DOCK5: variants seen among roughly 807,000 people sequenced by gnomAD.
DOCK5 encodes the protein dedicator of cytokinesis 5.
Under a neutral mutation model 251.8 loss-of-function variants are expected in DOCK5, and 142 were observed. The observed-to-expected ratio is 0.56, with a 90% CI of 0.49 to 0.65. DOCK5 has a LOEUF of 0.65. DOCK5 is among the 30% of genes least tolerant of loss of function. The pLI is 0.00. For missense variants in DOCK5, 2,111 were observed against 2,312.3 expected, an observed-to-expected ratio of 0.91 and a Z score of 1.79; for synonymous variants, 842 against 835.5, an observed-to-expected ratio of 1.01 and a Z score of -0.13.
intron 42 of DOCK5, among the ~76,000 whole-genome samples, chr8:25,391,104 G>A (rs1451658235): frequency 2.0e-5 from 3 of 152,012 alleles, no homozygotes; most frequent in African/African-American, 2.4e-5. Context: ...GCAGTGGCAC[G>A]ATCATAGCCC....
intron 37 of DOCK5, 26 bp from the exon 38 acceptor site, chr8:25,377,279 C>G: frequency 3.1e-6 from 5 of 1,593,356 alleles, no homozygotes; most frequent in Non-Finnish European, 4.3e-6. Flanking sequence ...TTGTATTAAC[C>G]GTGTGTCGCT....
At chr8:25,289,237 A>G (rs1048867380) in intron 5 of DOCK5, among the ~76,000 whole-genome samples, 5 of 152,122 alleles carry the variant, frequency 3.3e-5, no homozygotes, top group Non-Finnish European at 5.9e-5. Context: ...TCATAGAAGG[A>G]CATCACTAGA....
At chr8:25,346,682 G>A (rs1800373973) in intron 26 of DOCK5, among the ~76,000 whole-genome samples, 1 of 113,126 alleles carries the variant, frequency 8.8e-6, no homozygotes, top group African/African-American at 3.5e-5. Flanking sequence ...AAATTAGCTG[G>A]GCGTGGTGGC....
chr8:25,215,144 G>T (rs1231027756), intron 1 of DOCK5, among the ~76,000 whole-genome samples: 1 of 152,140 alleles, frequency 6.6e-6, no homozygotes, highest in Non-Finnish European at 1.5e-5. Context: ...TTGGGATATG[G>T]TTCTTCAGGC....
intron 1 of DOCK5, among the ~76,000 whole-genome samples, chr8:25,208,565 G>A (rs1166575832): frequency 2.0e-5 from 3 of 152,116 alleles, no homozygotes; most frequent in Non-Finnish European, 4.4e-5. Context: ...GTCCTTGAAG[G>A]CTCAGATGAT....
At position 25,342,462 on chromosome 8, in the gene DOCK5, A is replaced by C; in HGVS notation, c.2572A>C (p.Asn858His). ...CAACCAGCTGGTTCGGCAGAAACTTAACTGCATGACCAAGATAGTAGAGAG... is the reference window on the plus strand; with the variant it reads ...CAACCAGCTGGTTCGGCAGAAACTTCACTGCATGACCAAGATAGTAGAGAG... ...PDNQLVRQKL[N>H]CMTKIVESTL... Residue 858 changes from asparagine to histidine, a missense_variant, in exon 25 of 52, where the codon AAC becomes CAC. By Grantham distance (68) the Asn-to-His change is moderately conservative. Around this residue, in one of 3 missense-constraint regions of DOCK5, gnomAD observed 1,717 missense variants for 1,892.4 expected, o/e 0.91. Transcript: ENST00000276440. The C allele has an allele frequency of 6.2e-7, 1 of 1,601,476 alleles. No homozygotes were observed.
intron 1 of DOCK5, among the ~76,000 whole-genome samples, chr8:25,221,913 T>A (rs926892937): frequency 6.6e-6 from 1 of 152,170 alleles, no homozygotes; most frequent in Non-Finnish European, 1.5e-5. Flanking sequence ...ACGCTGATCA[T>A]ATCAGCTCCC....
rs944753237 is a variant in DOCK5, at chr8:25,401,159, A to G, written c.4926+93A>G. On this transcript the variant is annotated intron_variant, in intron 47 of 51. Coordinates refer to ENST00000276440, the MANE Select transcript of DOCK5 (RefSeq NM_024940.8). ...TTTTTCAGATGCCAAGTGAGTTGTAATAACTTAGCTATGGCATGGAAATAG... is the reference window on the plus strand; with the variant it reads ...TTTTTCAGATGCCAAGTGAGTTGTAGTAACTTAGCTATGGCATGGAAATAG... 2.3e-5 allele frequency: 35 copies of G among 1,524,586 alleles called. No homozygotes were observed. The African/African-American group carries it at 4.0e-4, about 17-fold the overall frequency. The allele number at this position is 1,524,586 out of a possible 1,614,324, so 94.4% of individuals were successfully genotyped here. A position where few individuals can be genotyped will look rare whatever the true frequency, so the allele number is the denominator to read the frequency against.
chr8:25,207,548 G>C (rs1051680549), intron 1 of DOCK5, among the ~76,000 whole-genome samples: 3 of 152,180 alleles, frequency 2.0e-5, no homozygotes, highest in African/African-American at 7.2e-5. Context: ...TAACAATTAT[G>C]CTAAATCTAC....
At chr8:25,306,808 C>T (rs903035741) in intron 11 of DOCK5, among the ~76,000 whole-genome samples, 27 of 152,176 alleles carry the variant, frequency 1.8e-4, no homozygotes, top group African/African-American at 6.3e-4. Flanking sequence ...TCATGCATCA[C>T]TTAATGGCAG....
At chr8:25,407,896 G>C in intron 48 of DOCK5, 87 bp from the exon 49 acceptor site, 1 of 1,206,560 alleles carries the variant, frequency 8.3e-7, no homozygotes, top group East Asian at 2.6e-5. Flanking sequence ...ATAGCCTAAA[G>C]AGTCATAACT....
intron 28 of DOCK5, among the ~76,000 whole-genome samples, chr8:25,361,031 C>G (rs1800669201): frequency 6.6e-6 from 1 of 152,130 alleles, no homozygotes; most frequent in Non-Finnish European, 1.5e-5. Flanking sequence ...CTACCGTGCA[C>G]AGCTAGGCCT....
intron 1 of DOCK5, among the ~76,000 whole-genome samples, chr8:25,225,159 A>G (rs1335027011): frequency 1.3e-5 from 2 of 152,248 alleles, no homozygotes; most frequent in Non-Finnish European, 2.9e-5. Context: ...GGAATGTAAA[A>G]TGGTGCAGTC....
At chr8:25,233,145 C>A (rs937668890) in intron 1 of DOCK5, among the ~76,000 whole-genome samples, 1 of 152,142 alleles carries the variant, frequency 6.6e-6, no homozygotes, top group African/African-American at 2.4e-5. Flanking sequence ...GCTGCCTGCA[C>A]AATAGCCTGG....
chr8:25,374,558 T>C lies in DOCK5; in HGVS notation c.3726-6T>C, dbSNP rs1046437833. The C allele has an allele frequency of 2.5e-6, 4 of 1,595,520 alleles. No homozygotes were observed. In the African/African-American group the frequency reaches 5.5e-5, roughly 22 times the overall value. ...ACAAAATGCTTCCTTCTCCCCTTCT[T>C]GCCAGATATCTGTACAAGCTTCGAG... is the stretch of plus-strand genomic sequence containing the variant. On this transcript the variant is annotated splice_region_variant and splice_polypyrimidine_tract_variant and intron_variant, in intron 36 of 51. Coordinates refer to ENST00000276440, the MANE Select transcript of DOCK5 (RefSeq NM_024940.8).
chr8:25,286,276 A>G (rs1381521659), intron 5 of DOCK5, among the ~76,000 whole-genome samples: 1 of 152,198 alleles, frequency 6.6e-6, no homozygotes, highest in Non-Finnish European at 1.5e-5. Flanking sequence ...TTCAACGCCA[A>G]CTGAGTGTGC....
intron 43 of DOCK5, among the ~76,000 whole-genome samples, 168 bp downstream of exon 43, chr8:25,392,148 A>C (rs1440976449): frequency 6.6e-6 from 1 of 152,100 alleles, no homozygotes; most frequent in Admixed American, 6.5e-5. Flanking sequence ...CTAAAAATAC[A>C]AAAAAATTAG....
Position 25,372,651 on chromosome 8 carries a change from A to G in DOCK5, c.3617A>G (p.Asp1206Gly), listed in dbSNP as rs1233461242. The change falls in exon 35 of 52, where the codon GAC (aspartate) becomes GGC (glycine). Residue 1206 changes from aspartate (D) to glycine (G), a missense_variant. By Grantham distance (94) the Asp-to-Gly change is moderately conservative. Coordinates refer to ENST00000276440, the MANE Select transcript of DOCK5 (RefSeq NM_024940.8). ...AGCAGCCTCTTAGAGAACCTGCTGG[A>G]CTATAGAACCATCATCATGCAAGAT... The part of the protein sequence containing the change: ...LVSSLLENLL[D>G]YRTIIMQDES... The G allele has an allele frequency of 1.9e-6, 3 of 1,611,264 alleles. No homozygotes were observed. Among genetic ancestry groups the G allele is most frequent in the East Asian group, 2.2e-5 (1 of 44,770 alleles).
chr8:25,410,449 G>A (rs964608661), intron 51 of DOCK5, among the ~76,000 whole-genome samples: 4 of 151,782 alleles, frequency 2.6e-5, no homozygotes, highest in African/African-American at 4.8e-5. Context: ...GAAATAAGCC[G>A]TGAGTTCTAG....
Sources: gnomAD v4.1 joint callset for allele counts (sites outside exome capture counted in the v4.1 genomes callset) on GRCh38, gnomAD v4.1.1 for gene constraint, gnomAD v4.1.1 regional missense constraint, MANE v1.5 for transcripts, NCBI Gene and HGNC (gene_info 2026-07-23, HGNC 2026-07-21) for gene names.